The following MDGA1 variants were observed in gnomAD, a reference collection of about 807,000 sequenced individuals.
The protein encoded by MDGA1 is MAM domain-containing glycosylphosphatidylinositol anchor protein 1.
In MDGA1, 54 loss-of-function variants were observed where a neutral mutation model predicts 101.5. That is an observed-to-expected ratio of 0.53 (90% CI 0.43 to 0.67). The LOEUF is 0.67. Ranked by LOEUF, MDGA1 falls within the 30% of genes least tolerant of loss-of-function variation. The pLI is 0.00. For missense variants in MDGA1, 1,083 were observed against 1,323.8 expected, an observed-to-expected ratio of 0.82 and a Z score of 2.82; for synonymous variants, 533 against 558.3, an observed-to-expected ratio of 0.95 and a Z score of 0.64.
intron 6 of MDGA1, among the ~76,000 whole-genome samples, chr6:37,653,921 C>T (rs528961909): frequency 6.6e-6 from 1 of 152,196 alleles, no homozygotes; most frequent in African/African-American, 2.4e-5. Flanking sequence ...CAGGAAATTA[C>T]TCTTGAAGCC....
At chr6:37,661,168 A>G (rs1761614744) in intron 2 of MDGA1, among the ~76,000 whole-genome samples, 1 of 152,160 alleles carries the variant, frequency 6.6e-6, no homozygotes, top group Admixed American at 6.5e-5. Context: ...GTTCAATTCC[A>G]GCTCCCAGCC....
At chr6:37,648,619 G>C (rs747468137) in intron 9 of MDGA1, 5 of 325,146 alleles carry the variant, frequency 1.5e-5, no homozygotes, top group Non-Finnish European at 2.2e-5. Flanking sequence ...GTTTGAAAGC[G>C]GCGCGGTTGT....
chr6:37,642,872 C>T (rs1412428042), intron 14 of MDGA1, among the ~76,000 whole-genome samples: 1 of 152,230 alleles, frequency 6.6e-6, no homozygotes, highest in African/African-American at 2.4e-5. Context: ...ACTACAGCAC[C>T]TGATACCTGG....
At chr6:37,681,328 C>G (rs962085209) in intron 1 of MDGA1, among the ~76,000 whole-genome samples, 56 of 152,272 alleles carry the variant, frequency 3.7e-4, no homozygotes, top group African/African-American at 1.3e-3. Context: ...CCCCTGCCCC[C>G]CCTCTTCAGG....
Position 37,630,815 on chromosome 6 carries a change from G to A in MDGA1, c.*6553C>T, listed in dbSNP as rs982018874. The A allele has an allele frequency of 2.6e-5, 4 of 152,282 alleles. No individual in the cohort carries two copies. The highest frequency in any genetic ancestry group is 1.3e-4 in the Admixed American group (2 of 15,286). 9.4% of individuals were successfully genotyped at this position (152,282 alleles called of 1,614,324 possible). ...CACTCCCATATCTTCTGGTGCTTTG[G>A]TGGAGATGGCTGGAAGGCTGGACTC... On this transcript the variant is annotated 3_prime_UTR_variant, in exon 17 of 17. Transcript: ENST00000434837.
intron 2 of MDGA1, among the ~76,000 whole-genome samples, chr6:37,660,605 T>G (rs1581605240): frequency 6.6e-6 from 1 of 152,210 alleles, no homozygotes; most frequent in African/African-American, 2.4e-5. Flanking sequence ...TTTCTGTACC[T>G]AACTGATCAG....
rs112463953 is a variant in MDGA1 at position 37,674,430 on chromosome 6, G to A, written c.68-10324C>T. On this transcript the variant is annotated intron_variant, in intron 1 of 16. Coordinates refer to ENST00000434837, the MANE Select transcript of MDGA1 (RefSeq NM_153487.4). ...CATTTGCAGAGCCTGCCACTGTGGC[G>A]CCTGGAGCTTCTGGGAGAGGCTGGC... Among the ~76,000 whole-genome samples the A allele has an allele frequency of 9.2e-5, 14 of 152,310 alleles. 1 individual carries two copies. The highest frequency in any genetic ancestry group is 2.2e-4 in the African/African-American group (9 of 41,568).
intron 2 of MDGA1, among the ~76,000 whole-genome samples, chr6:37,663,386 T>C (rs1205643783): frequency 2.0e-5 from 3 of 152,238 alleles, no homozygotes; most frequent in Non-Finnish European, 4.4e-5. Context: ...ACGTTTTCTA[T>C]GCTGATTTTC....
chr6:37,689,094 C>CCCCG (rs1394355293), intron 1 of MDGA1, among the ~76,000 whole-genome samples: 2 of 152,152 alleles, frequency 1.3e-5, no homozygotes, highest in Non-Finnish European at 2.9e-5. Flanking sequence ...CTCCCCAGTC[C>CCCCG]CCCGGTGGCC....
rs759494468 is a variant in MDGA1 at position 37,654,442 on chromosome 6, G to T, written c.814C>A (p.Gln272Lys). 6.2e-7 allele frequency: 1 copy of T among 1,613,998 alleles called. No individual in the cohort carries two copies. Among genetic ancestry groups the T allele is most frequent in the Admixed American group, 1.7e-5 (1 of 60,018 alleles). ...CCAGGCCCATGGGACCACTGCAGCT[G>T]GGGGAGGGGATCACCGCCTGTCAGC... ...CLLTGGDPLP[Q>K]LQWSHGPGPL... The change falls in exon 6 of 17, where the codon CAG becomes AAG. Residue 272 changes from glutamine (Q) to lysine (K), a missense_variant. Around this residue, in one of 3 missense-constraint regions of MDGA1, gnomAD observed 116 missense variants for 196.6 expected, o/e 0.59. Transcript: ENST00000434837.
intron 10 of MDGA1, 94 bp downstream of exon 10, chr6:37,647,079 A>G: frequency 8.2e-7 from 1 of 1,219,224 alleles, no homozygotes; most frequent in Non-Finnish European, 1.2e-6. Context: ...TCTAAGCCCC[A>G]TCTCCGACCC....
intron 1 of MDGA1, among the ~76,000 whole-genome samples, chr6:37,685,821 T>G (rs1440569433): frequency 6.6e-6 from 1 of 152,110 alleles, no homozygotes; most frequent in Non-Finnish European, 1.5e-5. Flanking sequence ...CTCAGGTCTC[T>G]TCTGGGCATC....
rs115395423 is a variant in MDGA1, at chr6:37,659,686, G to A, written c.208-1267C>T. On this transcript the variant is annotated intron_variant, in intron 2 of 16. Transcript: ENST00000434837. ...GCCAGAAAAGCAAGGCTGGGGAGAA[G>A]GGGTGAAAGGGCAACCTTTCTCATG... Among the ~76,000 whole-genome samples, 589 of 152,246 alleles carry A rather than the reference G, an allele frequency of 3.9e-3. 2 individuals are homozygous for A. Among genetic ancestry groups the A allele is most frequent in the African/African-American group, 0.014 (569 of 41,536 alleles).
In MDGA1 at chr6:37,642,636, TAAAC is replaced by T. The variant is rs1269935639; in HGVS notation, c.2536+1169_2536+1172del. 3.9e-5 allele frequency among the ~76,000 whole-genome samples: 6 copies of T among 152,162 alleles called. 1 individual carries two copies. The South Asian group carries it at 8.3e-4, about 21-fold the overall frequency. On this transcript the variant is annotated intron_variant, in intron 14 of 16. Coordinates refer to ENST00000434837, the MANE Select transcript of MDGA1 (RefSeq NM_153487.4). The stretch of plus-strand genomic sequence containing the variant: ...ATGTATTACCTTTCCTATAAACAAG[TAAAC>T]AAACAAAAACAATTTTAAAAAAATC...
At chr6:37,639,224 C>G (rs145519628) in intron 14 of MDGA1, 1 of 154,264 alleles carries the variant, frequency 6.5e-6, no homozygotes, top group Non-Finnish European at 1.4e-5. Flanking sequence ...AGAGGACAGT[C>G]TGTGTGACTG....
At chr6:37,662,846 C>A (rs1761659020) in intron 2 of MDGA1, among the ~76,000 whole-genome samples, 1 of 152,170 alleles carries the variant, frequency 6.6e-6, no homozygotes, top group Admixed American at 6.5e-5. Flanking sequence ...ATGGCCAGTG[C>A]AGCCTTAGGG....
At chr6:37,641,711 A>T (rs943816363) in intron 14 of MDGA1, 2 of 152,248 alleles carry the variant, frequency 1.3e-5, no homozygotes, top group Non-Finnish European at 2.9e-5. Context: ...AGATGGGAGT[A>T]AACCCAAATG....
At chr6:37,662,929 A>G (rs1024487897) in intron 2 of MDGA1, among the ~76,000 whole-genome samples, 1 of 152,156 alleles carries the variant, frequency 6.6e-6, no homozygotes, top group Non-Finnish European at 1.5e-5. Context: ...TGACACAGAC[A>G]TCGACCTACT....
Position 37,647,284 on chromosome 6 carries a change from G to T in MDGA1, c.1935C>A (p.Asn645Lys). ...TGGACAGCTTGTGGCTGCGGGTGGG[G>T]TTGGGGGTGTCGAAGTAAAACTCCG... ...YSPEFYFDTP[N>K]PTRSHKLSKN... The change falls in exon 10 of 17, where the codon AAC becomes AAA. Residue 645 changes from asparagine to lysine, a missense_variant. By Grantham distance (94) the Asn-to-Lys change is moderately conservative (BLOSUM62 0). Coordinates refer to ENST00000434837, the MANE Select transcript of MDGA1 (RefSeq NM_153487.4). The T allele has an allele frequency of 1.3e-6, 2 of 1,555,686 alleles. No individual in the cohort carries two copies. Among genetic ancestry groups the T allele is most frequent in the Non-Finnish European group, 1.7e-6 (2 of 1,149,490 alleles).
Sources: allele counts gnomAD v4.1 joint callset (sites outside exome capture counted in the v4.1 genomes callset), GRCh38; gene constraint gnomAD v4.1.1; regional missense constraint gnomAD v4.1.1; transcripts MANE v1.5; gene names NCBI Gene and HGNC (gene_info 2026-07-23, HGNC 2026-07-21).